The following FER1L6 variants were observed in gnomAD, a reference collection of about 807,000 sequenced individuals.
The protein encoded by FER1L6 is fer-1 like family member 6, also known as fer-1-like protein 6.
A neutral mutation model predicts 219.2 loss-of-function variants in FER1L6; 177 were observed. That is an observed-to-expected ratio of 0.81 (90% CI 0.71 to 0.91). The LOEUF (loss-of-function observed/expected upper bound fraction) is 0.91, where lower values mean the gene tolerates loss of function less well. Ranked by LOEUF, FER1L6 falls within the 40% of genes least tolerant of loss-of-function variation. The pLI is 0.00. For synonymous variants in FER1L6, 768 were observed against 824.3 expected, an observed-to-expected ratio of 0.93 and a Z score of 1.17; for missense variants, 2,153 against 2,259.9, an observed-to-expected ratio of 0.95 and a Z score of 0.96.
At chr8:123,891,505 A>G (rs1462959931) in intron 1 of FER1L6, among the ~76,000 whole-genome samples, 1 of 152,168 alleles carries the variant, frequency 6.6e-6, no homozygotes, top group Non-Finnish European at 1.5e-5. Flanking sequence ...TTTTGGTCAC[A>G]GTTCTGTCAT....
At chr8:123,934,883 G>A (rs564917601) in intron 1 of FER1L6, among the ~76,000 whole-genome samples, 1 of 152,130 alleles carries the variant, frequency 6.6e-6, no homozygotes, top group African/African-American at 2.4e-5. Context: ...TTAACCCCTT[G>A]CACTCTCTCT....
At chr8:124,028,472 A>G (rs560690404) in intron 18 of FER1L6, among the ~76,000 whole-genome samples, 1 of 150,734 alleles carries the variant, frequency 6.6e-6, no homozygotes, top group East Asian at 2.0e-4. Flanking sequence ...CACCAGGGAC[A>G]CTGAGTATTC....
At chr8:124,046,029 G>A in intron 21 of FER1L6, 128 bp downstream of exon 21, 1 of 1,091,940 alleles carries the variant, frequency 9.2e-7, no homozygotes, top group Non-Finnish European at 1.3e-6. Context: ...TGTACCTAGA[G>A]GCAAACTTGA....
intron 1 of FER1L6, among the ~76,000 whole-genome samples, chr8:123,877,197 C>T (rs1563670466): frequency 1.3e-5 from 2 of 152,260 alleles, no homozygotes; most frequent in African/African-American, 4.8e-5. Flanking sequence ...GCAAACGTCA[C>T]TCAAGAATCA....
intron 1 of FER1L6, among the ~76,000 whole-genome samples, chr8:123,923,133 C>T (rs1444396091): frequency 6.6e-6 from 1 of 152,128 alleles, no homozygotes; most frequent in Non-Finnish European, 1.5e-5. Context: ...AGCCAGAGGC[C>T]CAAGCAGGTG....
rs1237140885 is a variant in FER1L6 at position 124,111,939 on chromosome 8, C to G, written c.5290-6905C>G. 6.6e-6 allele frequency among the ~76,000 whole-genome samples: 1 copy of G among 150,514 alleles called. No individual in the cohort carries two copies. Among genetic ancestry groups the G allele is most frequent in the Non-Finnish European group, 1.5e-5 (1 of 67,428 alleles). On this transcript the variant is annotated intron_variant, in intron 39 of 40. Transcript: ENST00000522917. This position sits in a 1 kb window ranked among gnomAD's most constrained non-coding sequence, Gnocchi z 5.0. Reference sequence around the variant, plus strand: ...AGCTCCTATTCAAGATGGAGTTGCTCTGGTTCAAATGCCTCTGACACTCTT... The same window carrying G: ...AGCTCCTATTCAAGATGGAGTTGCTGTGGTTCAAATGCCTCTGACACTCTT...
At position 123,980,669 on chromosome 8, in the gene FER1L6, A is replaced by G. The variant is rs1816282585; in HGVS notation, c.1268A>G (p.Lys423Arg). The G allele has an allele frequency of 4.3e-6, 7 of 1,614,208 alleles. No homozygotes were observed. Among genetic ancestry groups the G allele is most frequent in the Non-Finnish European group, 5.9e-6 (7 of 1,180,022 alleles). The change falls in exon 11 of 41, where the codon AAG becomes AGG. Residue 423 changes from lysine (K) to arginine (R), a missense_variant. By Grantham distance (26) the Lys-to-Arg change is conservative (BLOSUM62 2). Transcript: ENST00000522917. ...TTTTCCAAGGCCCTGAAGGAGCTCAAGTTGCCTTCCAAGGACAAAGACTCC... is the reference window on the plus strand; with the variant it reads ...TTTTCCAAGGCCCTGAAGGAGCTCAGGTTGCCTTCCAAGGACAAAGACTCC... ...SKFSKALKEL[K>R]LPSKDKDSKS...
chr8:124,065,072 T>C (rs912690412), intron 26 of FER1L6, among the ~76,000 whole-genome samples: 51 of 152,214 alleles, frequency 3.4e-4, no homozygotes, highest in Non-Finnish European at 4.4e-4. Flanking sequence ...GGTGTATCAA[T>C]TGAATTAAAA....
At chr8:124,036,637 C>T (rs960714361) in intron 19 of FER1L6, among the ~76,000 whole-genome samples, 1 of 152,160 alleles carries the variant, frequency 6.6e-6, no homozygotes, top group Non-Finnish European at 1.5e-5. Context: ...AAAACATCCA[C>T]ATTAACTTGA....
At position 124,011,348 on chromosome 8, in the gene FER1L6, A is replaced by ACC. The variant is rs1817911493; in HGVS notation, c.1821+636_1821+637dup. 2.6e-5 allele frequency among the ~76,000 whole-genome samples: 4 copies of ACC among 151,484 alleles called. No individual in the cohort carries two copies. In the South Asian group the frequency reaches 8.3e-4, roughly 32 times the overall value. On this transcript the variant is annotated intron_variant, in intron 14 of 40. Coordinates refer to ENST00000522917, the MANE Select transcript of FER1L6 (RefSeq NM_001039112.2). ...CTACCCCCTTATCTTCTTACATAAC[A>ACC]CCCTGTTTTGTTTTGTTTTGTTTTT... is the stretch of plus-strand genomic sequence containing the variant.
chr8:124,042,587 T>C (rs1466116655), intron 20 of FER1L6, among the ~76,000 whole-genome samples: 2 of 152,176 alleles, frequency 1.3e-5, no homozygotes, highest in African/African-American at 4.8e-5. Context: ...TAAGAAAGGG[T>C]ACCAATTTCC....
At chr8:124,062,790 G>A (rs1223252239) in intron 25 of FER1L6, among the ~76,000 whole-genome samples, 2 of 152,168 alleles carry the variant, frequency 1.3e-5, no homozygotes, top group African/African-American at 2.4e-5. Context: ...ACCCAGGGGT[G>A]AGATGACTAG....
At chr8:123,892,438 C>T (rs573083754) in intron 1 of FER1L6, among the ~76,000 whole-genome samples, 6 of 152,020 alleles carry the variant, frequency 3.9e-5, no homozygotes, top group Non-Finnish European at 8.8e-5. Flanking sequence ...ATTACAGGTG[C>T]CCGCCACCAT....
chr8:124,007,713 G>A (rs1817729512), intron 13 of FER1L6, among the ~76,000 whole-genome samples: 1 of 152,108 alleles, frequency 6.6e-6, no homozygotes, highest in Admixed American at 6.5e-5. Flanking sequence ...AGCCAAGCAG[G>A]TAACCTACTA....
At chr8:124,095,667 GA>G (rs1461042772) in intron 35 of FER1L6, among the ~76,000 whole-genome samples, 2 of 152,186 alleles carry the variant, frequency 1.3e-5, no homozygotes, top group Non-Finnish European at 2.9e-5. Context: ...GATGACCATA[GA>G]ATTGTTTATC....
chr8:124,068,323 C>T (rs1176055827), intron 28 of FER1L6, among the ~76,000 whole-genome samples: 1 of 152,208 alleles, frequency 6.6e-6, no homozygotes, highest in African/African-American at 2.4e-5. Context: ...TAGAGCCAGG[C>T]TCAGTTCCTC....
intron 33 of FER1L6, among the ~76,000 whole-genome samples, chr8:124,086,757 A>G (rs1415162893): frequency 6.6e-6 from 1 of 152,136 alleles, no homozygotes; most frequent in Non-Finnish European, 1.5e-5. Context: ...TTCTTTTAGC[A>G]TTTCTTATAG....
At chr8:123,888,772 T>G (rs1441871820) in intron 1 of FER1L6, among the ~76,000 whole-genome samples, 1 of 152,202 alleles carries the variant, frequency 6.6e-6, no homozygotes, top group Admixed American at 6.5e-5. Context: ...TGGCTAAAAT[T>G]CCAAGGCAAA....
chr8:123,921,629 CT>C (rs1288057227), intron 1 of FER1L6, among the ~76,000 whole-genome samples: 2 of 151,432 alleles, frequency 1.3e-5, no homozygotes, highest in Admixed American at 6.6e-5. Flanking sequence ...CCCACCTTAC[CT>C]TTTTTTTGAG....
Sources: gnomAD v4.1 joint callset for allele counts (sites outside exome capture counted in the v4.1 genomes callset) on GRCh38, gnomAD v4.1.1 for gene constraint, Gnocchi (gnomAD v3.1) non-coding constraint, MANE v1.5 for transcripts, NCBI Gene and HGNC (gene_info 2026-07-23, HGNC 2026-07-21) for gene names.